WDR33: variants seen among roughly 807,000 people sequenced by gnomAD.
WDR33 encodes pre-mRNA 3' end processing protein WDR33.
A neutral mutation model predicts 164.9 loss-of-function variants in WDR33; 47 were observed. The observed-to-expected ratio is 0.29, with a 90% CI of 0.23 to 0.36. The LOEUF is 0.36. Ranked by LOEUF, WDR33 falls within the 10% of genes least tolerant of loss-of-function variation. The pLI, the probability that WDR33 is intolerant of heterozygous loss-of-function variation, is 1.00. For missense variants in WDR33, 1,137 were observed against 1,754.1 expected (o/e 0.65, Z 6.28); for synonymous variants, 505 against 589.0 (o/e 0.86, Z 2.06).
intron 7 of WDR33, among the ~76,000 whole-genome samples, chr2:127,732,599 C>G (rs1159321116): frequency 6.6e-6 from 1 of 152,094 alleles, no homozygotes; most frequent in Non-Finnish European, 1.5e-5. Flanking sequence ...TTTGGTGTCC[C>G]TCTATTCAAA....
chr2:127,729,921 T>G (rs2105389753), intron 7 of WDR33, among the ~76,000 whole-genome samples: 1 of 152,308 alleles, frequency 6.6e-6, no homozygotes, highest in Non-Finnish European at 1.5e-5. Context: ...AAAAAGTATG[T>G]GTAGCATGCT....
chr2:127,765,127 C>A lies in WDR33; in HGVS notation c.474+47G>T, dbSNP rs115036704. ...CAATGAAATGACTATATCTCAAGTT[C>A]TTTACAGTACCACAGGATGATGATA... On this transcript the variant is annotated intron_variant, in intron 5 of 21. Transcript: ENST00000322313. 1,713 of 1,585,144 alleles carry A rather than the reference C, an allele frequency of 1.1e-3. 20 individuals are homozygous for A. In the African/African-American group the frequency reaches 0.02, roughly 18 times the overall value.
At chr2:127,743,522 CTCAT>C (rs1310851973) in intron 7 of WDR33, among the ~76,000 whole-genome samples, 1 of 151,952 alleles carries the variant, frequency 6.6e-6, no homozygotes, top group Non-Finnish European at 1.5e-5. Context: ...CTTTTTTGTT[CTCAT>C]TGTTTAGAAT....
chr2:127,759,363 A>G (rs2105427848), intron 7 of WDR33, among the ~76,000 whole-genome samples: 1 of 152,304 alleles, frequency 6.6e-6, no homozygotes, highest in African/African-American at 2.4e-5. Flanking sequence ...AACCTTTTCT[A>G]AGCGTAAGAA....
chr2:127,746,679 T>C lies in WDR33; in HGVS notation c.724+16383A>G, dbSNP rs541532138. 1.4e-4 allele frequency among the ~76,000 whole-genome samples: 22 copies of C among 152,310 alleles called. No individual in the cohort carries two copies. The South Asian group carries it at 4.6e-3, about 32-fold the overall frequency. On this transcript the variant is annotated intron_variant, in intron 7 of 21. Coordinates refer to ENST00000322313, the MANE Select transcript of WDR33 (RefSeq NM_018383.5). ...ACTCTCAGCTGAGTGATGTTTAAAG[T>C]TCCCCAGAGGAAATACGGAGATTGT...
chr2:127,788,339 A>G (rs868679908), intron 1 of WDR33, among the ~76,000 whole-genome samples: 4 of 60,720 alleles, frequency 6.6e-5, no homozygotes, highest in Admixed American at 1.6e-4. Flanking sequence ...CTGGCCGGGC[A>G]GAGGGGCTCC....
At position 127,706,674 on chromosome 2, in the gene WDR33, G is replaced by C. The variant is rs1376368506; in HGVS notation, c.3782-122C>G. The C allele has an allele frequency of 4.7e-6, 4 of 853,242 alleles. No individual in the cohort carries two copies. The Admixed American group carries it at 1.2e-4, about 25-fold the overall frequency. 52.9% of individuals were successfully genotyped at this position (853,242 alleles called of 1,614,324 possible). A position where few individuals can be genotyped will look rare whatever the true frequency, so the allele number is the denominator to read the frequency against. On this transcript the variant is annotated intron_variant, in intron 21 of 21. Transcript: ENST00000322313. This position sits in a 1 kb window ranked among gnomAD's most constrained non-coding sequence, Gnocchi z 5.1. ...GTTCTGGTGGGTGCCAGGGAGACTG[G>C]CAGTGGTATTCAGCGTACTGAGAGG...
chr2:127,721,837 T>C lies in WDR33; in HGVS notation c.1670A>G (p.Glu557Gly). The change falls in exon 15 of 22, where the codon GAG (glutamate) becomes GGG (glycine). Residue 557 changes from glutamate (E) to glycine (G), a missense_variant and splice_region_variant. By Grantham distance (98) the Glu-to-Gly change is moderately conservative (BLOSUM62 -2). Transcript: ENST00000322313. This position sits in a 1 kb window ranked among gnomAD's most constrained non-coding sequence, Gnocchi z 4.9. ...TCCCCCCTACAGAGCTTCACACACC[T>C]CCAGAAGTTGTGGGTTAGTATATTG... ...TLQYTNPQLL[E>G]QLKIERLAQK... 1 of 1,610,292 alleles carries C rather than the reference T, an allele frequency of 6.2e-7. No individual in the cohort carries two copies.
chr2:127,731,125 T>A (rs1686694770), intron 7 of WDR33, among the ~76,000 whole-genome samples: 1 of 151,668 alleles, frequency 6.6e-6, no homozygotes, highest in Non-Finnish European at 1.5e-5. Context: ...TGAGATGCCA[T>A]TTTTACAAAA....
In WDR33 at chr2:127,701,488, G is replaced by A. The variant is rs1241177747; in HGVS notation, c.*4835C>T. ...GAACCGCTTCAGCGGAGGGCCGGAAGTGAGCCGCAGCTTTTCCTTTCTGCC... is the reference window on the plus strand; with the variant it reads ...GAACCGCTTCAGCGGAGGGCCGGAAATGAGCCGCAGCTTTTCCTTTCTGCC... On this transcript the variant is annotated 3_prime_UTR_variant, in exon 22 of 22. Coordinates refer to ENST00000322313, the MANE Select transcript of WDR33 (RefSeq NM_018383.5). 2 of 1,264,822 alleles carry A rather than the reference G, an allele frequency of 1.6e-6. No individual in the cohort carries two copies. Among genetic ancestry groups the A allele is most frequent in the Non-Finnish European group, 2.0e-6 (2 of 1,002,228 alleles). 78.3% of individuals were successfully genotyped at this position (1,264,822 alleles called of 1,614,324 possible).
chr2:127,810,920 GC>G (rs1212423753), intron 1 of WDR33, 91 bp downstream of exon 1: 2 of 152,812 alleles, frequency 1.3e-5, no homozygotes, highest in Non-Finnish European at 2.9e-5. Flanking sequence ...GCCCGTCCAG[GC>G]CCCCAAAGCA....
At chr2:127,746,461 A>C (rs540633119) in intron 7 of WDR33, among the ~76,000 whole-genome samples, 1 of 152,240 alleles carries the variant, frequency 6.6e-6, no homozygotes, top group East Asian at 1.9e-4. Flanking sequence ...GTCTTTTAGC[A>C]TCTTTCCTTG....
In WDR33 at chr2:127,717,025, A is replaced by T; in HGVS notation, c.2869+130T>A. On this transcript the variant is annotated intron_variant, in intron 17 of 21. Transcript: ENST00000322313. The surrounding 1 kb of genome is among the most constrained non-coding windows in gnomAD (Gnocchi z 5.6). ...CAAAGACAAAGCTCCTACCTGAATG[A>T]CCACACCCTTATTTTGCCCAGAGGT... 1 of 902,760 alleles carries T rather than the reference A, an allele frequency of 1.1e-6. No homozygotes were observed. The highest frequency in any genetic ancestry group is 1.7e-6 in the Non-Finnish European group (1 of 571,796). The allele number at this position is 902,760 out of a possible 1,614,324, so 55.9% of individuals were successfully genotyped here.
At chr2:127,745,682 C>G (rs1305849189) in intron 7 of WDR33, among the ~76,000 whole-genome samples, 1 of 152,122 alleles carries the variant, frequency 6.6e-6, no homozygotes, top group Non-Finnish European at 1.5e-5. Context: ...AGACATACCA[C>G]TTTATGGGCT....
rs1213470284 is a variant in WDR33 at position 127,709,634 on chromosome 2, C to T, written c.3473-52G>A. 1.2e-6 allele frequency: 2 copies of T among 1,613,008 alleles called. No homozygotes were observed. The highest frequency in any genetic ancestry group is 2.7e-5 in the African/African-American group (2 of 74,924). On this transcript the variant is annotated intron_variant, in intron 19 of 21. Transcript: ENST00000322313. The surrounding 1 kb of genome is among the most constrained non-coding windows in gnomAD (Gnocchi z 5.0). ...ACTCAGACTGTTCCTGGTGTATTCACAACCAGTGTATTCTGCACCCTATCC... is the reference window on the plus strand; with the variant it reads ...ACTCAGACTGTTCCTGGTGTATTCATAACCAGTGTATTCTGCACCCTATCC...
chr2:127,722,802 T>C lies in WDR33; in HGVS notation c.1379-72A>G. The C allele has an allele frequency of 2.6e-6, 4 of 1,521,468 alleles. No homozygotes were observed. Among genetic ancestry groups the C allele is most frequent in the East Asian group, 2.3e-5 (1 of 44,214 alleles). The allele number at this position is 1,521,468 out of a possible 1,614,324, so 94.2% of individuals were successfully genotyped here. The stretch of plus-strand genomic sequence containing the variant: ...GGCCACTTGATCAATGAACACATTA[T>C]TGGAAGAATAGATTTTAAGTATTAT... On this transcript the variant is annotated intron_variant, in intron 13 of 21. Transcript: ENST00000322313. This position sits in a 1 kb window ranked among gnomAD's most constrained non-coding sequence, Gnocchi z 5.1.
At chr2:127,786,844 C>CTT (rs71307273) in intron 1 of WDR33, among the ~76,000 whole-genome samples, 10,087 of 111,516 alleles carry the variant, frequency 0.09, 513 homozygotes, top group South Asian at 0.22. Flanking sequence ...CCTTTCTGTT[C>CTT]TTTTTTTTTT....
At chr2:127,795,070 C>T (rs1688986423) in intron 1 of WDR33, among the ~76,000 whole-genome samples, 1 of 149,046 alleles carries the variant, frequency 6.7e-6, no homozygotes, top group South Asian at 2.1e-4. Context: ...GGAATCTGTA[C>T]AAGGGAAGTA....
At chr2:127,761,694 T>C (rs1403915033) in intron 7 of WDR33, among the ~76,000 whole-genome samples, 1 of 152,218 alleles carries the variant, frequency 6.6e-6, no homozygotes, top group East Asian at 1.9e-4. Flanking sequence ...CCTATTTTGC[T>C]TTGAACATGT....
Sources: allele counts gnomAD v4.1 joint callset (sites outside exome capture counted in the v4.1 genomes callset), GRCh38; gene constraint gnomAD v4.1.1; non-coding constraint Gnocchi (gnomAD v3.1); transcripts MANE v1.5; gene names NCBI Gene and HGNC (gene_info 2026-07-23, HGNC 2026-07-21).